Variants in MORN5 observed in about 807,000 individuals in gnomAD.
The protein encoded by MORN5 is MORN repeat containing 5.
Under a neutral mutation model 22.1 loss-of-function variants are expected in MORN5, and 21 were observed. The observed-to-expected ratio is 0.95, with a 90% CI of 0.67 to 1.37. MORN5 has a LOEUF of 1.37. MORN5 is among the 40% of genes most tolerant of loss of function. The pLI, the probability that MORN5 is intolerant of heterozygous loss-of-function variation, is 0.00. For synonymous variants in MORN5, 73 were observed against 74.0 expected, an observed-to-expected ratio of 0.99 and a Z score of 0.07; for missense variants, 211 against 215.1, an observed-to-expected ratio of 0.98 and a Z score of 0.12.
intron 1 of MORN5, 86 bp from the exon 2 acceptor site, chr9:122,166,682 A>G: frequency 1.6e-6 from 2 of 1,275,276 alleles, no homozygotes; most frequent in Admixed American, 4.0e-5. Flanking sequence ...AATGCTGAGA[A>G]CGGGGTTCCT....
chr9:122,188,736 G>A (rs1829696504), intron 4 of MORN5, among the ~76,000 whole-genome samples: 1 of 152,228 alleles, frequency 6.6e-6, no homozygotes. Context: ...GGGGCACCAG[G>A]AAGCAGGAGG....
intron 4 of MORN5, among the ~76,000 whole-genome samples, chr9:122,178,217 A>G (rs1037645746): frequency 2.6e-5 from 4 of 152,212 alleles, no homozygotes; most frequent in African/African-American, 4.8e-5. Flanking sequence ...GACCGAGTGC[A>G]GTTGCTCCCA....
chr9:122,199,917 T>C lies in MORN5; in HGVS notation c.472T>C (p.Cys158Arg), dbSNP rs1437600275. 2 of 1,613,960 alleles carry C rather than the reference T, an allele frequency of 1.2e-6. No homozygotes were observed. Among genetic ancestry groups the C allele is most frequent in the South Asian group, 1.1e-5 (1 of 91,072 alleles). Residue 158 changes from cysteine (C) to arginine (R), a missense_variant, in exon 5 of 5, where the codon TGT becomes CGT. Coordinates refer to ENST00000373764, the MANE Select transcript of MORN5 (RefSeq NM_198469.4). Reference sequence around the variant, plus strand: ...CGAGCATGAGTGGATCACCCGTACCTGTCGAAAGGGCTAGGATGAGATCGT... The same window carrying C: ...CGAGCATGAGTGGATCACCCGTACCCGTCGAAAGGGCTAGGATGAGATCGT... ...DDEHEWITRTCRKG is the reference protein window; with the variant it reads ...DDEHEWITRTRRKG
At chr9:122,179,438 A>T (rs1238457995) in intron 4 of MORN5, among the ~76,000 whole-genome samples, 2 of 152,132 alleles carry the variant, frequency 1.3e-5, no homozygotes, top group Non-Finnish European at 2.9e-5. Context: ...GATGGGAGAG[A>T]GGAGCATGTG....
At chr9:122,169,583 G>A in intron 2 of MORN5, 62 bp from the exon 3 acceptor site, 2 of 1,130,090 alleles carry the variant, frequency 1.8e-6, no homozygotes, top group Non-Finnish European at 2.7e-6. Flanking sequence ...CTTGACATCT[G>A]AACCTCTTGG....
chr9:122,189,839 C>T (rs1829721255), intron 4 of MORN5, among the ~76,000 whole-genome samples: 1 of 152,108 alleles, frequency 6.6e-6, no homozygotes, highest in Non-Finnish European at 1.5e-5. Context: ...ATCTCCTGAC[C>T]TCGTGATCTG....
chr9:122,186,092 C>G (rs1432913617), intron 4 of MORN5, among the ~76,000 whole-genome samples: 1 of 152,198 alleles, frequency 6.6e-6, no homozygotes, highest in African/African-American at 2.4e-5. Context: ...AAATCAAATG[C>G]CCGCACCAAT....
At chr9:122,167,073 T>A (rs1205775152) in intron 2 of MORN5, among the ~76,000 whole-genome samples, 158 bp downstream of exon 2, 1 of 149,834 alleles carries the variant, frequency 6.7e-6, no homozygotes, top group Non-Finnish European at 1.5e-5. Context: ...TTTTTTTTTT[T>A]AGTCTCACTC....
At chr9:122,188,507 G>GC (rs1320235681) in intron 4 of MORN5, among the ~76,000 whole-genome samples, 1 of 152,206 alleles carries the variant, frequency 6.6e-6, no homozygotes, top group East Asian at 1.9e-4. Flanking sequence ...TGGACAACAG[G>GC]CTCCCGCCTG....
intron 1 of MORN5, among the ~76,000 whole-genome samples, chr9:122,163,615 G>GGC: frequency 6.6e-6 from 1 of 152,206 alleles, no homozygotes; most frequent in Non-Finnish European, 1.5e-5. Flanking sequence ...GGCACGTATG[G>GGC]AGTAGAGCTG....
Position 122,197,942 on chromosome 9 carries a change from G to A in MORN5, c.440-1943G>A, listed in dbSNP as rs773514467. Among the ~76,000 whole-genome samples the A allele has an allele frequency of 6.6e-6, 1 of 152,188 alleles. No individual in the cohort carries two copies. Among genetic ancestry groups the A allele is most frequent in the African/African-American group, 2.4e-5 (1 of 41,446 alleles). On this transcript the variant is annotated intron_variant, in intron 4 of 4. Transcript: ENST00000373764. This position sits in a 1 kb window ranked among gnomAD's most constrained non-coding sequence, Gnocchi z 5.7. Reference sequence around the variant, plus strand: ...CAGAGGAAACTGAGGCTCACTGGCTGCTTGCCAGAGTGTGCCAGGCAGCAA... The same window carrying A: ...CAGAGGAAACTGAGGCTCACTGGCTACTTGCCAGAGTGTGCCAGGCAGCAA...
chr9:122,166,756 G>A lies in MORN5; in HGVS notation c.48-12G>A. 1.2e-6 allele frequency: 2 copies of A among 1,610,946 alleles called. No homozygotes were observed. The highest frequency in any genetic ancestry group is 2.2e-5 in the South Asian group (2 of 90,314). On this transcript the variant is annotated splice_polypyrimidine_tract_variant and intron_variant, in intron 1 of 4. Coordinates refer to ENST00000373764, the MANE Select transcript of MORN5 (RefSeq NM_198469.4). ...TCACACAGGGCTCAGTGATTTCCCT[G>A]TGTCTTTACAGGATGGAGGGCAAAG...
At chr9:122,180,585 C>G (rs1469134465) in intron 4 of MORN5, among the ~76,000 whole-genome samples, 1 of 152,134 alleles carries the variant, frequency 6.6e-6, no homozygotes, top group East Asian at 1.9e-4. Flanking sequence ...TGCGCTCGGC[C>G]CGATATTTTC....
chr9:122,194,692 C>T (rs911027092), intron 4 of MORN5, among the ~76,000 whole-genome samples: 8 of 152,034 alleles, frequency 5.3e-5, no homozygotes, highest in African/African-American at 1.9e-4. Flanking sequence ...GCATTGAGAG[C>T]TTACAGTCTA....
intron 4 of MORN5, among the ~76,000 whole-genome samples, chr9:122,198,072 T>A (rs1829934870): frequency 6.6e-6 from 1 of 152,222 alleles, no homozygotes; most frequent in African/African-American, 2.4e-5. Flanking sequence ...GGGTGAGAGG[T>A]CAGGCTGCAG....
At chr9:122,182,875 G>A (rs1001477178) in intron 4 of MORN5, among the ~76,000 whole-genome samples, 2 of 152,216 alleles carry the variant, frequency 1.3e-5, no homozygotes, top group Non-Finnish European at 2.9e-5. Flanking sequence ...AAACTTGCTC[G>A]TGTCACACAA....
At chr9:122,198,830 T>C (rs186958523) in intron 4 of MORN5, among the ~76,000 whole-genome samples, 1 of 152,306 alleles carries the variant, frequency 6.6e-6, no homozygotes. Context: ...GAGCTGGATG[T>C]ACACACAGCA....
intron 4 of MORN5, among the ~76,000 whole-genome samples, chr9:122,177,959 T>A (rs7032950): frequency 1.3e-5 from 2 of 152,226 alleles, no homozygotes; most frequent in African/African-American, 4.8e-5. Context: ...AGGTTATTCC[T>A]TGGCAGTTCT....
chr9:122,162,848 C>T (rs1401067168), intron 1 of MORN5, among the ~76,000 whole-genome samples: 1 of 152,176 alleles, frequency 6.6e-6, no homozygotes, highest in African/African-American at 2.4e-5. Flanking sequence ...GGAAGTATTA[C>T]AGAAAGGCAT....
Sources: gnomAD v4.1 joint callset for allele counts (sites outside exome capture counted in the v4.1 genomes callset) on GRCh38, gnomAD v4.1.1 for gene constraint, Gnocchi (gnomAD v3.1) non-coding constraint, MANE v1.5 for transcripts, NCBI Gene and HGNC (gene_info 2026-07-23, HGNC 2026-07-21) for gene names.